The following USP33 variants were observed in gnomAD, a reference collection of about 807,000 sequenced individuals.
USP33 encodes the protein ubiquitin carboxyl-terminal hydrolase 33.
Under a neutral mutation model 124.2 loss-of-function variants are expected in USP33, and 46 were observed. The observed-to-expected ratio is 0.37, with a 90% CI of 0.29 to 0.47. USP33 has a LOEUF of 0.47. Ranked by LOEUF, USP33 falls within the 20% of genes least tolerant of loss-of-function variation. The pLI, the probability that USP33 is intolerant of heterozygous loss-of-function variation, is 0.99. For missense variants in USP33, 851 were observed against 1,070.6 expected, an observed-to-expected ratio of 0.79 and a Z score of 2.86; for synonymous variants, 350 against 352.3, an observed-to-expected ratio of 0.99 and a Z score of 0.07.
At chr1:77,709,265 T>C (rs975127092) in intron 21 of USP33, among the ~76,000 whole-genome samples, 8 of 152,116 alleles carry the variant, frequency 5.3e-5, no homozygotes, top group African/African-American at 1.7e-4. Flanking sequence ...TCCCAGAGCT[T>C]TGGGAGGCAG....
Position 77,718,626 on chromosome 1 carries a change from C to T in USP33, c.1707G>A (p.Val569=). 1 of 1,608,674 alleles carries T rather than the reference C, an allele frequency of 6.2e-7. No individual in the cohort carries two copies. The highest frequency in any genetic ancestry group is 8.5e-7 in the Non-Finnish European group (1 of 1,176,626). ...CEKCKKLRNG[V]KFCKVQNFPE... is the part of the protein sequence containing the mutation. ...GAAAGTTTTGTACTTTACAAAACTT[C>T]ACTCCATTTCTCAACCTAAGGGGAG... The change falls in exon 16 of 24, where the codon GTG becomes GTA. Residue 569 remains valine, a synonymous_variant. Coordinates refer to ENST00000370794, the MANE Select transcript of USP33 (RefSeq NM_201624.3).
At chr1:77,698,506 T>TG (rs201966437) in intron 22 of USP33, among the ~76,000 whole-genome samples, 2,476 of 150,140 alleles carry the variant, frequency 0.016, 42 homozygotes, top group Middle Eastern at 0.069. Flanking sequence ...TTTTGTTTTT[T>TG]TTTTTTTTTT....
chr1:77,713,533 C>G, intron 19 of USP33: 1 of 285,792 alleles, frequency 3.5e-6, no homozygotes, highest in Non-Finnish European at 6.2e-6. Context: ...TACAGGCATG[C>G]TTCAACACAC....
At chr1:77,719,560 A>G (rs1442773830) in intron 15 of USP33, among the ~76,000 whole-genome samples, 1 of 151,562 alleles carries the variant, frequency 6.6e-6, no homozygotes, top group East Asian at 2.0e-4. Flanking sequence ...AAGTCAACAT[A>G]TCAAACTCTT....
At chr1:77,732,889 G>T (rs1376533968) in intron 7 of USP33, among the ~76,000 whole-genome samples, 2 of 150,802 alleles carry the variant, frequency 1.3e-5, no homozygotes, top group African/African-American at 2.4e-5. Context: ...CACCTCCAGG[G>T]TTTACACAAT....
intron 21 of USP33, among the ~76,000 whole-genome samples, chr1:77,702,995 G>A (rs1674216132): frequency 6.6e-6 from 1 of 152,070 alleles, no homozygotes; most frequent in African/African-American, 2.4e-5. Context: ...CACACTACCT[G>A]TGGACAAAGA....
chr1:77,709,912 C>CA (rs397772454), intron 21 of USP33, among the ~76,000 whole-genome samples: 2 of 150,896 alleles, frequency 1.3e-5, no homozygotes, highest in African/African-American at 2.4e-5. Context: ...CACACACACA[C>CA]GTCCATATTT....
At chr1:77,739,482 C>A in intron 4 of USP33, 65 bp from the exon 5 acceptor site, 1 of 1,433,222 alleles carries the variant, frequency 7.0e-7, no homozygotes, top group Non-Finnish European at 9.3e-7. Context: ...AAGACTTCTT[C>A]AAAAGATAAC....
Position 77,728,321 on chromosome 1 carries a change from T to C in USP33, c.1109A>G (p.Lys370Arg). Residue 370 changes from lysine (K) to arginine (R), a missense_variant, in exon 10 of 24, where the codon AAA (lysine) becomes AGA (arginine). Physicochemically the swap from Lys to Arg is conservative, Grantham distance 26. Around this residue, in one of 4 missense-constraint regions of USP33, gnomAD observed 207 missense variants for 200.9 expected, o/e 1.03. Transcript: ENST00000370794. ...TGAAGCTCTGCTGTGTATTTGCACT[T>C]TGACAGTTTCCTGGTTGTTTAAGTC... Reference protein sequence around the residue: ...TVDLNNQETVKVQIHSRASEY... With the variant: ...TVDLNNQETVRVQIHSRASEY... 2 of 1,601,582 alleles carry C rather than the reference T, an allele frequency of 1.2e-6. No individual in the cohort carries two copies. Among genetic ancestry groups the C allele is most frequent in the Non-Finnish European group, 1.7e-6 (2 of 1,175,852 alleles).
chr1:77,755,295 CCAT>C (rs1285798306), intron 1 of USP33, among the ~76,000 whole-genome samples: 1 of 152,172 alleles, frequency 6.6e-6, no homozygotes, highest in African/African-American at 2.4e-5. Flanking sequence ...ATGAGAACCA[CCAT>C]AAGAAAAATT....
Position 77,725,672 on chromosome 1 carries a change from G to A in USP33, c.1226C>T (p.Pro409Leu), listed in dbSNP as rs1410601935. 1.2e-6 allele frequency: 2 copies of A among 1,614,112 alleles called. No homozygotes were observed. The highest frequency in any genetic ancestry group is 1.1e-5 in the South Asian group (1 of 91,082). Residue 409 changes from proline (P) to leucine (L), a missense_variant, in exon 11 of 24, where the codon CCT becomes CTT. Pro to Leu is a moderately conservative substitution (Grantham distance 98). Around this residue, in one of 4 missense-constraint regions of USP33, gnomAD observed 207 missense variants for 200.9 expected, o/e 1.03. Transcript: ENST00000370794. The stretch of plus-strand genomic sequence containing the variant: ...TGGCCACAAATTGCCTGATTTAGGA[G>A]GGCTTGCCGATAAACGTGGATTAAC... ...EGVNPRLSAS[P>L]PKSGNLWPGL...
At chr1:77,757,425 A>G (rs1305003176) in intron 1 of USP33, among the ~76,000 whole-genome samples, 1 of 152,274 alleles carries the variant, frequency 6.6e-6, no homozygotes, top group African/African-American at 2.4e-5. Flanking sequence ...TTCTCAGTAT[A>G]CAATATAGCA....
At chr1:77,751,205 T>C (rs1461681233) in intron 1 of USP33, among the ~76,000 whole-genome samples, 1 of 152,224 alleles carries the variant, frequency 6.6e-6, no homozygotes, top group East Asian at 1.9e-4. Context: ...TTTTCCTCTA[T>C]CTGCCACACT....
intron 17 of USP33, among the ~76,000 whole-genome samples, chr1:77,716,756 C>T (rs974332542): frequency 6.6e-6 from 1 of 152,206 alleles, no homozygotes; most frequent in Admixed American, 6.5e-5. Context: ...TATGTAAAAA[C>T]TCCCAGCCCT....
At chr1:77,740,300 T>C (rs891785141) in intron 4 of USP33, among the ~76,000 whole-genome samples, 1 of 151,972 alleles carries the variant, frequency 6.6e-6, no homozygotes, top group Non-Finnish European at 1.5e-5. Context: ...CACTCTCTCT[T>C]GGGCTTCAAC....
chr1:77,700,868 TTTTTGTA>T (rs1338430106), intron 22 of USP33, among the ~76,000 whole-genome samples: 2 of 152,072 alleles, frequency 1.3e-5, no homozygotes, highest in African/African-American at 4.8e-5. Flanking sequence ...ACCCAGCTAA[TTTTTGTA>T]TTTTTAGTAG....
intron 20 of USP33, among the ~76,000 whole-genome samples, chr1:77,712,701 C>T (rs749550297): frequency 7.9e-5 from 12 of 151,574 alleles, no homozygotes; most frequent in Admixed American, 1.3e-4. Flanking sequence ...ACAAAAAACA[C>T]CCCAAAATTA....
At chr1:77,715,413 G>A (rs909742119) in intron 18 of USP33, among the ~76,000 whole-genome samples, 1 of 152,094 alleles carries the variant, frequency 6.6e-6, no homozygotes, top group African/African-American at 2.4e-5. Context: ...CACCATCTTG[G>A]CCAGGCTGGT....
In USP33 at chr1:77,728,512, T is replaced by G; in HGVS notation, c.918A>C (p.Arg306Ser). ...SDRAENENGS[R>S]CFSEDNNETT... ...TTTCATTATTATCTTCAGAAAAGCATCTAGAGCCATTTTCATTTTCTGCTC... is the reference window on the plus strand; with the variant it reads ...TTTCATTATTATCTTCAGAAAAGCAGCTAGAGCCATTTTCATTTTCTGCTC... The change falls in exon 10 of 24, where the codon AGA (arginine) becomes AGC (serine). Residue 306 changes from arginine to serine, a missense_variant. Physicochemically the swap from Arg to Ser is moderately radical, Grantham distance 110. Around this residue, in one of 4 missense-constraint regions of USP33, gnomAD observed 207 missense variants for 200.9 expected, o/e 1.03. Coordinates refer to ENST00000370794, the MANE Select transcript of USP33 (RefSeq NM_201624.3). 1 of 1,614,178 alleles carries G rather than the reference T, an allele frequency of 6.2e-7. No individual in the cohort carries two copies. Among genetic ancestry groups the G allele is most frequent in the East Asian group, 2.2e-5 (1 of 44,866 alleles).
Sources: allele counts gnomAD v4.1 joint callset (sites outside exome capture counted in the v4.1 genomes callset), GRCh38; gene constraint gnomAD v4.1.1; regional missense constraint gnomAD v4.1.1; transcripts MANE v1.5; gene names NCBI Gene and HGNC (gene_info 2026-07-23, HGNC 2026-07-21).